The following EIF4G3 variants were observed in gnomAD, a reference collection of about 807,000 sequenced individuals.
EIF4G3 encodes the protein eIF-4-gamma 3.
Under a neutral mutation model 186.4 loss-of-function variants are expected in EIF4G3, and 34 were observed. The observed-to-expected ratio is 0.18, with a 90% confidence interval of 0.14 to 0.24. EIF4G3 has a LOEUF of 0.24. Among genes scored for constraint, EIF4G3 ranks in the 10% least tolerant of loss-of-function variants. EIF4G3 has a pLI of 1.00. For synonymous variants in EIF4G3, 673 were observed against 679.5 expected (o/e 0.99, Z 0.15); for missense variants, 1,536 against 1,948.5 (o/e 0.79, Z 3.99).
chr1:21,163,611 G>A (rs140505865), intron 2 of EIF4G3, among the ~76,000 whole-genome samples: 1 of 152,248 alleles, frequency 6.6e-6, no homozygotes, highest in African/African-American at 2.4e-5. Flanking sequence ...CAACTGAAGA[G>A]TTTTTTTGTG....
At chr1:20,831,681 A>G (rs1198089533) in intron 30 of EIF4G3, among the ~76,000 whole-genome samples, 2 of 150,976 alleles carry the variant, frequency 1.3e-5, no homozygotes, top group Non-Finnish European at 2.9e-5. Flanking sequence ...ATATGTATAC[A>G]TGAGCCATGC....
chr1:20,926,878 T>C (rs982086879), intron 14 of EIF4G3, among the ~76,000 whole-genome samples: 1 of 151,996 alleles, frequency 6.6e-6, no homozygotes, highest in Non-Finnish European at 1.5e-5. Flanking sequence ...AAAGCTTTAC[T>C]AATCCTGGAG....
At chr1:20,982,473 C>T (rs937475626) in intron 7 of EIF4G3, 65 bp from the exon 8 acceptor site, 7 of 1,323,508 alleles carry the variant, frequency 5.3e-6, no homozygotes, top group Non-Finnish European at 7.2e-6. Context: ...GCTTACAGAT[C>T]AGTTGGAAGG....
At chr1:20,890,992 ATAAT>A (rs1480706619) in intron 18 of EIF4G3, among the ~76,000 whole-genome samples, 1 of 152,238 alleles carries the variant, frequency 6.6e-6, no homozygotes, top group Non-Finnish European at 1.5e-5. Context: ...AGTAAATTAA[ATAAT>A]TAAAGTTGAT....
At chr1:21,052,656 A>T (rs1207234069) in intron 3 of EIF4G3, among the ~76,000 whole-genome samples, 4 of 151,650 alleles carry the variant, frequency 2.6e-5, no homozygotes, top group African/African-American at 9.7e-5. Flanking sequence ...TACTGCTGCC[A>T]TCTCGGCTCA....
intron 4 of EIF4G3, among the ~76,000 whole-genome samples, chr1:21,031,142 C>T (rs907382823): frequency 6.6e-6 from 1 of 151,752 alleles, no homozygotes; most frequent in Non-Finnish European, 1.5e-5. Flanking sequence ...GCCAAGATCA[C>T]ACCACTGCAC....
intron 3 of EIF4G3, among the ~76,000 whole-genome samples, chr1:21,054,794 C>T (rs779726104): frequency 1.4e-3 from 209 of 152,312 alleles, no homozygotes; most frequent in Non-Finnish European, 2.5e-3. Flanking sequence ...TAAACATCTT[C>T]AGGATCAGCT....
chr1:20,982,687 C>A (rs978121230), intron 7 of EIF4G3, among the ~76,000 whole-genome samples: 1 of 152,080 alleles, frequency 6.6e-6, no homozygotes, highest in African/African-American at 2.4e-5. Flanking sequence ...TAGTAGTGTG[C>A]AAGGAAATGT....
intron 2 of EIF4G3, among the ~76,000 whole-genome samples, chr1:21,110,451 C>T (rs1238268550): frequency 1.3e-5 from 2 of 152,060 alleles, no homozygotes; most frequent in African/African-American, 2.4e-5. Flanking sequence ...CACATCGCCA[C>T]GCCCAGCTAA....
At chr1:21,072,397 T>TTTTA (rs142374059) in intron 3 of EIF4G3, among the ~76,000 whole-genome samples, 4,323 of 151,954 alleles carry the variant, frequency 0.028, 128 homozygotes, top group East Asian at 0.14. Context: ...AATTTTTTTA[T>TTTTA]TTTATTTATT....
chr1:20,863,632 C>T (rs2076905265), intron 22 of EIF4G3, among the ~76,000 whole-genome samples: 1 of 151,552 alleles, frequency 6.6e-6, no homozygotes, highest in Non-Finnish European at 1.5e-5. Context: ...TTAGTAGAGA[C>T]GGGATTTCTC....
chr1:21,017,695 A>C (rs1388006205), intron 4 of EIF4G3, among the ~76,000 whole-genome samples: 1 of 151,846 alleles, frequency 6.6e-6, no homozygotes, highest in East Asian at 1.9e-4. Flanking sequence ...AAAATCTGTA[A>C]ATTTGTGAGA....
intron 4 of EIF4G3, among the ~76,000 whole-genome samples, chr1:21,026,706 T>C (rs1178147637): frequency 6.6e-6 from 1 of 152,048 alleles, no homozygotes; most frequent in Non-Finnish European, 1.5e-5. Flanking sequence ...TCCCAGCACT[T>C]TGGGAGGCCA....
chr1:20,825,702 A>G (rs530886750), intron 32 of EIF4G3, among the ~76,000 whole-genome samples: 4 of 152,202 alleles, frequency 2.6e-5, no homozygotes, highest in South Asian at 4.1e-4. Context: ...ATAGCTCTGT[A>G]TGTATCTGCT....
At chr1:21,060,191 C>T (rs555452546) in intron 3 of EIF4G3, among the ~76,000 whole-genome samples, 105 of 152,250 alleles carry the variant, frequency 6.9e-4, no homozygotes, top group Middle Eastern at 3.4e-3. Context: ...CTCAAGGGGT[C>T]CGCCTGCCTT....
chr1:21,012,557 G>A (rs561848159), intron 4 of EIF4G3, among the ~76,000 whole-genome samples: 38 of 152,200 alleles, frequency 2.5e-4, no homozygotes, highest in Non-Finnish European at 4.0e-4. Context: ...ACAACATACC[G>A]ACCAAAGTAC....
In EIF4G3 at chr1:21,176,717, CG is replaced by C. The variant is rs1437581056; in HGVS notation, c.-456+4del. 1 of 675,266 alleles carries C rather than the reference CG, an allele frequency of 1.5e-6. No individual in the cohort carries two copies. The highest frequency in any genetic ancestry group is 1.5e-5 in the South Asian group (1 of 66,652). 41.8% of individuals were successfully genotyped at this position (675,266 alleles called of 1,614,324 possible). ...CGGCGGGGGCAGGAGGCGGAGAGAC[CG>C]GACCTTTCACGGCAATATCCTCATG... On this transcript the variant is annotated splice_donor_region_variant and intron_variant, in intron 1 of 36. Coordinates refer to ENST00000602326, the MANE Select transcript of EIF4G3 (RefSeq NM_001391906.1).
chr1:20,921,655 T>C (rs1387716617), intron 14 of EIF4G3, among the ~76,000 whole-genome samples: 1 of 152,232 alleles, frequency 6.6e-6, no homozygotes, highest in African/African-American at 2.4e-5. Context: ...ATTCAATTTT[T>C]TGTCATTATA....
At chr1:20,890,798 T>G (rs777212713) in intron 18 of EIF4G3, among the ~76,000 whole-genome samples, 1 of 152,198 alleles carries the variant, frequency 6.6e-6, no homozygotes, top group Non-Finnish European at 1.5e-5. Flanking sequence ...CCTATGACAT[T>G]CCCATCTGTA....
Sources: allele counts gnomAD v4.1 joint callset (sites outside exome capture counted in the v4.1 genomes callset), GRCh38; gene constraint gnomAD v4.1.1; transcripts MANE v1.5; gene names NCBI Gene and HGNC (gene_info 2026-07-23, HGNC 2026-07-21).